Variants in ZNF585A observed in about 807,000 individuals in gnomAD.
ZNF585A encodes the protein zinc finger protein 585A.
A neutral mutation model predicts 14.9 loss-of-function variants in ZNF585A; 9 were observed. The observed-to-expected ratio is 0.60, with a 90% CI of 0.36 to 1.05. The LOEUF is 1.05. Ranked by LOEUF, ZNF585A falls within the 50% of genes least tolerant of loss-of-function variation. The pLI, the probability that ZNF585A is intolerant of heterozygous loss-of-function variation, is 0.01. For synonymous variants in ZNF585A, 276 were observed against 319.9 expected, an observed-to-expected ratio of 0.86 and a Z score of 1.46; for missense variants, 726 against 926.4, an observed-to-expected ratio of 0.78 and a Z score of 2.81.
At chr19:37,153,680 G>T in intron 4 of ZNF585A, 74 bp from the exon 5 acceptor site, 3 of 1,281,124 alleles carry the variant, frequency 2.3e-6, no homozygotes, top group Non-Finnish European at 3.2e-6. Context: ...TTCTTTGAAG[G>T]ATTATTTTTA....
At chr19:37,162,590 A>C (rs112345358) in intron 2 of ZNF585A, among the ~76,000 whole-genome samples, 13,899 of 152,258 alleles carry the variant, frequency 0.091, 1,082 homozygotes, top group African/African-American at 0.21. Flanking sequence ...CCCATCAGTG[A>C]TAAACTGGAT....
chr19:37,164,088 C>G (rs1054222945), intron 2 of ZNF585A, among the ~76,000 whole-genome samples: 2 of 152,070 alleles, frequency 1.3e-5, no homozygotes, highest in African/African-American at 4.8e-5. Flanking sequence ...ACTATCTGTG[C>G]ACCAAACTAC....
intron 2 of ZNF585A, among the ~76,000 whole-genome samples, chr19:37,159,530 A>G (rs930292027): frequency 1.3e-5 from 2 of 152,168 alleles, no homozygotes; most frequent in African/African-American, 4.8e-5. Flanking sequence ...TTAGCAATTT[A>G]TCAAAATACT....
Position 37,153,302 on chromosome 19 carries a change from C to A in ZNF585A, c.597G>T (p.Ser199=). The change falls in exon 5 of 5, where the codon TCG becomes TCT. Residue 199 remains serine, a synonymous_variant. Coordinates refer to ENST00000292841, the MANE Select transcript of ZNF585A (RefSeq NM_001288800.2). The part of the protein sequence containing the change: ...NECGKSFFQV[S]SLFRHQRIHT... Reference sequence around the variant, plus strand: ...GAATTCTCTGATGCCTGAAGAGGGACGACACTTGAAAAAAGGATTTTCCAC... The same window carrying A: ...GAATTCTCTGATGCCTGAAGAGGGAAGACACTTGAAAAAAGGATTTTCCAC... 6.2e-7 allele frequency: 1 copy of A among 1,613,974 alleles called. No individual in the cohort carries two copies. The highest frequency in any genetic ancestry group is 1.1e-5 in the South Asian group (1 of 91,078).
chr19:37,160,116 T>C (rs1241355569), intron 2 of ZNF585A, among the ~76,000 whole-genome samples: 1 of 152,036 alleles, frequency 6.6e-6, no homozygotes, highest in Admixed American at 6.6e-5. Flanking sequence ...GAGGATTGCT[T>C]GAGCCCAGGA....
chr19:37,167,549 T>G (rs1006057200), intron 2 of ZNF585A, among the ~76,000 whole-genome samples: 1 of 152,198 alleles, frequency 6.6e-6, no homozygotes, highest in African/African-American at 2.4e-5. Flanking sequence ...TTTAGTGACA[T>G]GAAGTACATT....
At chr19:37,154,698 G>A (rs1456052819) in intron 4 of ZNF585A, among the ~76,000 whole-genome samples, 1 of 150,988 alleles carries the variant, frequency 6.6e-6, no homozygotes, top group Non-Finnish European at 1.5e-5. Context: ...ATCCAGGCAT[G>A]AAGGACTGGG....
intron 2 of ZNF585A, among the ~76,000 whole-genome samples, chr19:37,161,027 C>T (rs1172058929): frequency 6.6e-6 from 1 of 152,038 alleles, no homozygotes; most frequent in African/African-American, 2.4e-5. Flanking sequence ...ATCACCATAC[C>T]CAGCTTTTAC....
At chr19:37,162,023 A>G (rs1972021223) in intron 2 of ZNF585A, among the ~76,000 whole-genome samples, 1 of 152,166 alleles carries the variant, frequency 6.6e-6, no homozygotes, top group Admixed American at 6.5e-5. Context: ...TCCCAGGTTC[A>G]AGCGATTCTC....
chr19:37,170,965 A>G (rs1325228782), intron 1 of ZNF585A, among the ~76,000 whole-genome samples: 1 of 152,222 alleles, frequency 6.6e-6, no homozygotes, highest in Non-Finnish European at 1.5e-5. Flanking sequence ...AAACAAGTAA[A>G]ACAATAAATA....
chr19:37,160,442 T>C (rs138028064), intron 2 of ZNF585A, among the ~76,000 whole-genome samples: 32 of 150,524 alleles, frequency 2.1e-4, no homozygotes, highest in Non-Finnish European at 5.9e-5. Flanking sequence ...AACTAAATAA[T>C]AAAAAGTAGA....
rs767940445 is a variant in ZNF585A, at chr19:37,151,638, C to T, written c.2261G>A (p.Gly754Asp). Residue 754 changes from glycine to aspartate, a missense_variant, in exon 5 of 5, where the codon GGC becomes GAC. By Grantham distance (94) the Gly-to-Asp change is moderately conservative (BLOSUM62 -1). This residue lies in a region of ZNF585A where 243 missense variants were observed against 383.6 expected (regional missense o/e 0.63). Coordinates refer to ENST00000292841, the MANE Select transcript of ZNF585A (RefSeq NM_001288800.2). ...KPYKCGICGKGFVQKSVFSVH... is the reference protein window; with the variant it reads ...KPYKCGICGKDFVQKSVFSVH... ...GCTGAACACTGATTTCTGAACGAAG[C>T]CTTTCCCACAGATGCCACACTTGTA... 1.9e-6 allele frequency: 3 copies of T among 1,613,990 alleles called. No individual in the cohort carries two copies. The highest frequency in any genetic ancestry group is 1.7e-5 in the Admixed American group (1 of 60,010).
rs1017237119 is a variant in ZNF585A, at chr19:37,148,933, G to C, written c.*2656C>G. On this transcript the variant is annotated 3_prime_UTR_variant, in exon 5 of 5. Coordinates refer to ENST00000292841, the MANE Select transcript of ZNF585A (RefSeq NM_001288800.2). Reference sequence around the variant, plus strand: ...ACACACTGTATAATTTCAACTATATGATATAAAAGATCAAAGGTAAAACTA... The same window carrying C: ...ACACACTGTATAATTTCAACTATATCATATAAAAGATCAAAGGTAAAACTA... 3 of 152,152 alleles carry C rather than the reference G, an allele frequency of 2.0e-5. No individual in the cohort carries two copies. Among genetic ancestry groups the C allele is most frequent in the Admixed American group, 6.5e-5 (1 of 15,278 alleles). The allele number at this position is 152,152 out of a possible 1,614,324, so 9.4% of individuals were successfully genotyped here. A position where few individuals can be genotyped will look rare whatever the true frequency, so the allele number is the denominator to read the frequency against.
At chr19:37,157,875 G>A (rs924962800) in intron 2 of ZNF585A, among the ~76,000 whole-genome samples, 4 of 150,924 alleles carry the variant, frequency 2.7e-5, no homozygotes, top group Non-Finnish European at 4.4e-5. Flanking sequence ...CAAACAGCTG[G>A]TGAGGAAAAG....
rs1971745229 is a variant in ZNF585A at position 37,146,415 on chromosome 19, C to G, written c.*5174G>C. ...AAAATAAAAAATAGTCACATTGGCA[C>G]TAGTAGCCCATTTGAGAGCTGAGGG... On this transcript the variant is annotated 3_prime_UTR_variant, in exon 5 of 5. Transcript: ENST00000292841. 2 of 152,250 alleles carry G rather than the reference C, an allele frequency of 1.3e-5. No homozygotes were observed. The allele number at this position is 152,250 out of a possible 1,614,324, so 9.4% of individuals were successfully genotyped here.
chr19:37,164,272 G>A (rs1054894239), intron 2 of ZNF585A, among the ~76,000 whole-genome samples: 6 of 151,970 alleles, frequency 3.9e-5, no homozygotes, highest in African/African-American at 1.5e-4. Flanking sequence ...GCGTGGTGGC[G>A]GGCGCCTGTA....
Position 37,152,609 on chromosome 19 carries a change from T to C in ZNF585A, c.1290A>G (p.Ile430Met). Reference sequence around the variant, plus strand: ...TATGAGGTTTCTCTCCAGTATGAATTATTTGATGTGCAATCAAGTGTGCCT... The same window carrying C: ...TATGAGGTTTCTCTCCAGTATGAATCATTTGATGTGCAATCAAGTGTGCCT... ...IQKAHLIAHQ[I>M]IHTGEKPHKC... Residue 430 changes from isoleucine to methionine, a missense_variant, in exon 5 of 5, where the codon ATA (isoleucine) becomes ATG (methionine). This residue lies in a region of ZNF585A where 483 missense variants were observed against 542.8 expected (regional missense o/e 0.89). Transcript: ENST00000292841. 1 of 1,614,198 alleles carries C rather than the reference T, an allele frequency of 6.2e-7. No individual in the cohort carries two copies.
At chr19:37,155,759 T>C in intron 4 of ZNF585A, 106 bp downstream of exon 4, 2 of 1,277,874 alleles carry the variant, frequency 1.6e-6, no homozygotes, top group Non-Finnish European at 2.2e-6. Context: ...TTCAGAACTT[T>C]CCAGAAAAAG....
chr19:37,153,232 A>C lies in ZNF585A; in HGVS notation c.667T>G (p.Phe223Val). The C allele has an allele frequency of 1.2e-6, 2 of 1,614,206 alleles. No individual in the cohort carries two copies. Among genetic ancestry groups the C allele is most frequent in the Non-Finnish European group, 1.7e-6 (2 of 1,180,020 alleles). The stretch of plus-strand genomic sequence containing the variant: ...ATACTGAGATCTGAGTTATAAGAGA[A>C]GCCTTTCCCACACTGGCTGCATTCA... ...LYECSQCGKG[F>V]SYNSDLSIHE... Residue 223 changes from phenylalanine (F) to valine (V), a missense_variant, in exon 5 of 5, where the codon TTC becomes GTC. This residue lies in a region of ZNF585A where 483 missense variants were observed against 542.8 expected (regional missense o/e 0.89). Coordinates refer to ENST00000292841, the MANE Select transcript of ZNF585A (RefSeq NM_001288800.2).
Sources: gnomAD v4.1 joint callset for allele counts (sites outside exome capture counted in the v4.1 genomes callset) on GRCh38, gnomAD v4.1.1 for gene constraint, gnomAD v4.1.1 regional missense constraint, MANE v1.5 for transcripts, NCBI Gene and HGNC (gene_info 2026-07-23, HGNC 2026-07-21) for gene names.